The following PYHIN1 variants were observed in gnomAD, a reference collection of about 807,000 sequenced individuals.
PYHIN1 encodes the protein pyrin and HIN domain family member 1.
A neutral mutation model predicts 43.7 loss-of-function variants in PYHIN1; 32 were observed. The observed-to-expected ratio is 0.73, with a 90% CI of 0.55 to 0.98. The LOEUF (loss-of-function observed/expected upper bound fraction) is 0.98, where lower values mean the gene tolerates loss of function less well. Ranked by LOEUF, PYHIN1 falls within the 50% of genes least tolerant of loss-of-function variation. PYHIN1 has a pLI of 0.00. For synonymous variants in PYHIN1, 205 were observed against 203.1 expected, an observed-to-expected ratio of 1.01 and a Z score of -0.08; for missense variants, 588 against 589.5, an observed-to-expected ratio of 1.00 and a Z score of 0.03.
intron 7 of PYHIN1, among the ~76,000 whole-genome samples, chr1:158,972,828 G>A (rs1651010172): frequency 6.6e-6 from 1 of 151,996 alleles, no homozygotes; most frequent in Non-Finnish European, 1.5e-5. Flanking sequence ...TCCTTCACAT[G>A]TCCATTTATT....
intron 7 of PYHIN1, among the ~76,000 whole-genome samples, chr1:158,971,538 G>A (rs1014287257): frequency 1.3e-5 from 2 of 151,862 alleles, no homozygotes; most frequent in African/African-American, 4.8e-5. Flanking sequence ...CAAATCACTG[G>A]ATAAACAGAA....
rs1285070593 is a variant in PYHIN1 at position 158,963,161 on chromosome 1, G to A, written c.1360-10486G>A. ...GTGCAGCTCCCAGAGGCAACCAAAA[G>A]CCCCTCTGCCACTGCTGCTGCAGTG... On this transcript the variant is annotated intron_variant, in intron 7 of 8. Coordinates refer to ENST00000368140, the MANE Select transcript of PYHIN1 (RefSeq NM_152501.5). Among the ~76,000 whole-genome samples, 3 of 152,118 alleles carry A rather than the reference G, an allele frequency of 2.0e-5. No individual in the cohort carries two copies. In the East Asian group the frequency reaches 5.8e-4, roughly 29 times the overall value.
downstream of PYHIN1, among the ~76,000 whole-genome samples, chr1:158,979,912 G>A (rs1571797923): frequency 6.6e-6 from 1 of 152,068 alleles, no homozygotes. Flanking sequence ...AACCACCAGT[G>A]TCTATTGTGC....
chr1:158,966,608 A>T (rs182682278), intron 7 of PYHIN1, among the ~76,000 whole-genome samples: 21 of 152,284 alleles, frequency 1.4e-4, no homozygotes, highest in African/African-American at 5.1e-4. Flanking sequence ...AGAACCAAAA[A>T]GCTACATAAT....
At chr1:158,973,967 C>T (rs1239259265) in intron 8 of PYHIN1, among the ~76,000 whole-genome samples, 196 bp downstream of exon 8, 1 of 152,034 alleles carries the variant, frequency 6.6e-6, no homozygotes, top group Non-Finnish European at 1.5e-5. Context: ...AATATGCATT[C>T]ATGAAATCAT....
chr1:158,934,628 C>T (rs1276791956), intron 1 of PYHIN1, among the ~76,000 whole-genome samples: 1 of 151,988 alleles, frequency 6.6e-6, no homozygotes, highest in Non-Finnish European at 1.5e-5. Context: ...CATGTTCTCT[C>T]AAGAAGAAAG....
chr1:158,980,538 A>C (rs1447258247), downstream of PYHIN1, among the ~76,000 whole-genome samples: 1 of 152,102 alleles, frequency 6.6e-6, no homozygotes, highest in East Asian at 1.9e-4. Context: ...GGAGAGATCT[A>C]TAAATGGCTG....
the PYHIN1 span, among the ~76,000 whole-genome samples, chr1:158,990,679 A>G: frequency 1.3e-5 from 2 of 152,118 alleles, no homozygotes; most frequent in South Asian, 2.1e-4. Context: ...TCCCTCCCCT[A>G]CAACATCCCT....
chr1:158,980,926 C>T (rs192140365), downstream of PYHIN1, among the ~76,000 whole-genome samples: 339 of 152,264 alleles, frequency 2.2e-3, no homozygotes, highest in Middle Eastern at 0.027. Context: ...TGGTCTGAGA[C>T]TCAGGCGGGC....
At chr1:158,972,783 C>A (rs933218168) in intron 7 of PYHIN1, among the ~76,000 whole-genome samples, 3 of 152,058 alleles carry the variant, frequency 2.0e-5, no homozygotes, top group African/African-American at 7.2e-5. Flanking sequence ...CTCCTGATAA[C>A]CCCATCCAAA....
At chr1:158,989,450 A>G in the PYHIN1 span, among the ~76,000 whole-genome samples, 1 of 152,208 alleles carries the variant, frequency 6.6e-6, no homozygotes, top group African/African-American at 2.4e-5. Context: ...AAATAGGTTC[A>G]TTACTGATGC....
At chr1:158,941,684 G>T (rs2101656623) in intron 4 of PYHIN1, among the ~76,000 whole-genome samples, 2 of 152,274 alleles carry the variant, frequency 1.3e-5, no homozygotes, top group South Asian at 4.1e-4. Flanking sequence ...TTTATTTTAA[G>T]TTAATTCATG....
intron 7 of PYHIN1, among the ~76,000 whole-genome samples, chr1:158,953,505 C>G (rs1400992472): frequency 6.6e-6 from 1 of 150,606 alleles, no homozygotes; most frequent in South Asian, 2.1e-4. Flanking sequence ...ACACCTCACA[C>G]GGCAGGGTAC....
At chr1:158,957,192 C>T (rs1450804688) in intron 7 of PYHIN1, among the ~76,000 whole-genome samples, 9 of 140,800 alleles carry the variant, frequency 6.4e-5, no homozygotes, top group South Asian at 2.4e-4. Context: ...AGGTAATTTA[C>T]AGATTCAATG....
chr1:158,974,014 C>A (rs1651098776), intron 8 of PYHIN1, among the ~76,000 whole-genome samples: 1 of 151,936 alleles, frequency 6.6e-6, no homozygotes, highest in Non-Finnish European at 1.5e-5. Flanking sequence ...TTCATTGGTG[C>A]AAATATGGTG....
At chr1:158,951,349 GC>G (rs1457228057) in intron 7 of PYHIN1, among the ~76,000 whole-genome samples, 1 of 151,812 alleles carries the variant, frequency 6.6e-6, no homozygotes, top group Non-Finnish European at 1.5e-5. Context: ...CGTTGATCTA[GC>G]AATTGCTGAA....
At position 158,943,864 on chromosome 1, in the gene PYHIN1, A is replaced by G; in HGVS notation, c.1077A>G (p.Gly359=). The change falls in exon 6 of 9, where the codon GGA becomes GGG. Residue 359 remains glycine (G), a synonymous_variant. Transcript: ENST00000368140. ...GAAGTATGGCTGTAGTAGGAAAAGG[A>G]GAATGCCACAATATCCCCTGTGAAA... ...KTGSMAVVGK[G]ECHNIPCEKG... is the part of the protein sequence containing the mutation. 2 of 1,611,412 alleles carry G rather than the reference A, an allele frequency of 1.2e-6. No homozygotes were observed. Among genetic ancestry groups the G allele is most frequent in the Non-Finnish European group, 1.7e-6 (2 of 1,178,008 alleles).
At chr1:158,956,992 C>T (rs964124845) in intron 7 of PYHIN1, among the ~76,000 whole-genome samples, 24 of 145,652 alleles carry the variant, frequency 1.6e-4, no homozygotes, top group African/African-American at 4.9e-4. Flanking sequence ...CATGAGTGAA[C>T]TCTCATTCAC....
chr1:158,951,986 T>C (rs1649558317), intron 7 of PYHIN1, among the ~76,000 whole-genome samples: 1 of 152,226 alleles, frequency 6.6e-6, no homozygotes, highest in African/African-American at 2.4e-5. Context: ...GGGATGTCGC[T>C]TGTATACAAG....
Sources: allele counts gnomAD v4.1 joint callset (sites outside exome capture counted in the v4.1 genomes callset), GRCh38; gene constraint gnomAD v4.1.1; transcripts MANE v1.5; gene names NCBI Gene and HGNC (gene_info 2026-07-23, HGNC 2026-07-21).